The following PDE8A variants were observed in gnomAD, a reference collection of about 807,000 sequenced individuals.
PDE8A encodes the protein high affinity cAMP-specific and IBMX-insensitive 3',5'-cyclic phosphodiesterase 8A.
Under a neutral mutation model 105.0 loss-of-function variants are expected in PDE8A, and 59 were observed. The observed-to-expected ratio is 0.56, with a 90% CI of 0.46 to 0.70. The LOEUF (loss-of-function observed/expected upper bound fraction) is 0.70, where lower values mean the gene tolerates loss of function less well. PDE8A is among the 30% of genes least tolerant of loss of function. The pLI is 0.00. For synonymous variants in PDE8A, 355 were observed against 371.9 expected (o/e 0.95, Z 0.52); for missense variants, 1,014 against 1,045.9 (o/e 0.97, Z 0.42).
intron 1 of PDE8A, among the ~76,000 whole-genome samples, chr15:85,017,309 T>C (rs1431279895): frequency 6.6e-6 from 1 of 152,138 alleles, no homozygotes; most frequent in Non-Finnish European, 1.5e-5. Flanking sequence ...TTTGATATGT[T>C]TCTTATATAG....
At chr15:85,114,686 T>A (rs77531368) in intron 14 of PDE8A, among the ~76,000 whole-genome samples, 4,802 of 152,264 alleles carry the variant, frequency 0.032, 257 homozygotes, top group African/African-American at 0.11. Flanking sequence ...AATTACTGCT[T>A]TCTGAAGTCA....
chr15:85,018,645 A>T (rs2080369074), intron 1 of PDE8A, among the ~76,000 whole-genome samples: 1 of 152,184 alleles, frequency 6.6e-6, no homozygotes, highest in African/African-American at 2.4e-5. Flanking sequence ...AATTCCTGGA[A>T]ATAGAGTAAG....
At chr15:85,048,827 G>A (rs1032016201) in intron 1 of PDE8A, among the ~76,000 whole-genome samples, 5 of 152,306 alleles carry the variant, frequency 3.3e-5, no homozygotes, top group East Asian at 1.9e-4. Context: ...AAAGCCGGGC[G>A]CGGTGGCTCA....
intron 8 of PDE8A, among the ~76,000 whole-genome samples, chr15:85,097,349 G>A (rs773161674): frequency 7.9e-5 from 12 of 152,126 alleles, no homozygotes; most frequent in African/African-American, 1.2e-4. Flanking sequence ...GAATCCCCAC[G>A]TTCTGTGTCT....
rs771469899 is a variant in PDE8A, at chr15:85,116,129, T to C, written c.1535+10T>C. 4 of 1,613,630 alleles carry C rather than the reference T, an allele frequency of 2.5e-6. No homozygotes were observed. The highest frequency in any genetic ancestry group is 1.7e-5 in the Admixed American group (1 of 60,014). ...CTGCCACCCACAATAGGTGAGTTCA[T>C]GCAGAGCTCAGCAGCGGGAGAACTA... On this transcript the variant is annotated intron_variant, in intron 16 of 21. Transcript: ENST00000394553.
chr15:85,037,854 A>G (rs1339792113), intron 1 of PDE8A, among the ~76,000 whole-genome samples: 1 of 152,220 alleles, frequency 6.6e-6, no homozygotes, highest in Non-Finnish European at 1.5e-5. Context: ...TTAAGGCTGA[A>G]ATCAGTTGTG....
chr15:85,123,867 C>G (rs56139149), intron 19 of PDE8A, among the ~76,000 whole-genome samples: 1 of 152,176 alleles, frequency 6.6e-6, no homozygotes, highest in African/African-American at 2.4e-5. Context: ...TGGGAAAACT[C>G]GAAAGGAAGG....
At chr15:85,063,845 A>G (rs1207575994) in intron 1 of PDE8A, 1 of 153,112 alleles carries the variant, frequency 6.5e-6, no homozygotes, top group Non-Finnish European at 1.5e-5. Context: ...ACTTACAGTA[A>G]GTGCTATTAT....
At chr15:85,050,604 G>T (rs1372309423) in intron 1 of PDE8A, among the ~76,000 whole-genome samples, 2 of 152,102 alleles carry the variant, frequency 1.3e-5, no homozygotes, top group African/African-American at 4.8e-5. Flanking sequence ...TGGCTCCCTT[G>T]TTAAAAATTA....
intron 1 of PDE8A, among the ~76,000 whole-genome samples, chr15:84,989,583 A>C (rs1405772468): frequency 6.6e-6 from 1 of 152,226 alleles, no homozygotes; most frequent in Non-Finnish European, 1.5e-5. Context: ...GTCCAGCTCC[A>C]TCAGGCTTTG....
chr15:85,067,273 A>C, intron 3 of PDE8A, 69 bp downstream of exon 3: 2 of 1,105,286 alleles, frequency 1.8e-6, no homozygotes, highest in Non-Finnish European at 2.6e-6. Context: ...CTAGAAATAG[A>C]TTAAATTAGA....
intron 20 of PDE8A, among the ~76,000 whole-genome samples, chr15:85,131,353 C>T (rs1333223781): frequency 6.6e-6 from 1 of 152,158 alleles, no homozygotes; most frequent in African/African-American, 2.4e-5. Flanking sequence ...TTTTGTCCCT[C>T]TTCCTCCATT....
chr15:85,096,562 T>G (rs1226641528), intron 8 of PDE8A, among the ~76,000 whole-genome samples: 1 of 152,222 alleles, frequency 6.6e-6, no homozygotes, highest in Non-Finnish European at 1.5e-5. Context: ...GCTTTAGAAG[T>G]AACCCTTAGA....
rs573621478 is a variant in PDE8A, at chr15:84,990,040, T to C, written c.186+7692T>C. Among the ~76,000 whole-genome samples, 4 of 152,276 alleles carry C rather than the reference T, an allele frequency of 2.6e-5. No individual in the cohort carries two copies. The South Asian group carries it at 8.3e-4, about 32-fold the overall frequency. On this transcript the variant is annotated intron_variant, in intron 1 of 21. Transcript: ENST00000394553. ...CTCAACCCCTAAATATTGCAGTATG[T>C]ATATCAAGTACTAGAGCGCAAAATT...
intron 6 of PDE8A, among the ~76,000 whole-genome samples, chr15:85,085,802 G>T (rs2081543283): frequency 6.6e-6 from 1 of 152,102 alleles, no homozygotes; most frequent in African/African-American, 2.4e-5. Context: ...GAGGTCAGGA[G>T]TTCGAGACCA....
At chr15:85,068,839 T>TAAAAG (rs1206515627) in intron 3 of PDE8A, among the ~76,000 whole-genome samples, 1 of 152,220 alleles carries the variant, frequency 6.6e-6, no homozygotes, top group Non-Finnish European at 1.5e-5. Flanking sequence ...TCTTGTATTG[T>TAAAAG]AAAAGAAAAT....
intron 1 of PDE8A, among the ~76,000 whole-genome samples, chr15:85,057,494 G>A (rs2141434295): frequency 6.6e-6 from 1 of 152,282 alleles, no homozygotes; most frequent in South Asian, 2.1e-4. Context: ...TCCCGGGTGA[G>A]GCGATGCCCC....
At chr15:85,012,659 T>G (rs1029984442) in intron 1 of PDE8A, among the ~76,000 whole-genome samples, 2 of 151,584 alleles carry the variant, frequency 1.3e-5, no homozygotes, top group Non-Finnish European at 2.9e-5. Flanking sequence ...GTAACTAACC[T>G]GCACATTGTG....
At chr15:85,048,829 G>T (rs1373536762) in intron 1 of PDE8A, among the ~76,000 whole-genome samples, 2 of 152,184 alleles carry the variant, frequency 1.3e-5, no homozygotes, top group South Asian at 2.1e-4. Context: ...AGCCGGGCGC[G>T]GTGGCTCACG....
Sources: allele counts gnomAD v4.1 joint callset (sites outside exome capture counted in the v4.1 genomes callset), GRCh38; gene constraint gnomAD v4.1.1; transcripts MANE v1.5; gene names NCBI Gene and HGNC (gene_info 2026-07-23, HGNC 2026-07-21).